Variants in ATAD2 observed in about 807,000 individuals in gnomAD.
The protein encoded by ATAD2 is ATPase family AAA domain-containing protein 2.
Under a neutral mutation model 168.9 loss-of-function variants are expected in ATAD2, and 62 were observed. That is an observed-to-expected ratio of 0.37 (90% confidence interval 0.30 to 0.45). ATAD2 has a LOEUF of 0.45. ATAD2 is among the 20% of genes least tolerant of loss of function. The probability of loss-of-function intolerance (pLI) is 1.00; values close to 1 mark genes in which losing one functional copy is unlikely to be tolerated. For missense variants in ATAD2, 1,419 were observed against 1,667.8 expected, an observed-to-expected ratio of 0.85 and a Z score of 2.60; for synonymous variants, 613 against 571.6, an observed-to-expected ratio of 1.07 and a Z score of -1.03.
chr8:123,380,973 C>A (rs899401436), intron 1 of ATAD2: 2 of 252,930 alleles, frequency 7.9e-6, no homozygotes, highest in Non-Finnish European at 7.5e-6. Flanking sequence ...CCACCACTGA[C>A]GAAAAGTTGC....
chr8:123,365,912 T>TA (rs1253119887), intron 8 of ATAD2, among the ~76,000 whole-genome samples: 3 of 152,056 alleles, frequency 2.0e-5, no homozygotes, highest in Non-Finnish European at 4.4e-5. Context: ...AAAGCAAAGA[T>TA]AAACAGGTGG....
At chr8:123,330,818 C>T (rs191915163) in intron 24 of ATAD2, among the ~76,000 whole-genome samples, 86 of 152,216 alleles carry the variant, frequency 5.6e-4, no homozygotes, top group African/African-American at 2.0e-3. Context: ...ATCTTGCATC[C>T]GGATAAAAGC....
At chr8:123,343,674 A>T (rs1251023761) in intron 19 of ATAD2, among the ~76,000 whole-genome samples, 1 of 152,254 alleles carries the variant, frequency 6.6e-6, no homozygotes, top group South Asian at 2.1e-4. Context: ...TGCTCTATGG[A>T]CACAAAGGTG....
At chr8:123,352,086 TG>T (rs1828484345) in intron 13 of ATAD2, 1 of 152,440 alleles carries the variant, frequency 6.6e-6, no homozygotes, top group Non-Finnish European at 1.5e-5. Context: ...GTGTGTTCCC[TG>T]CCAGCAGTGG....
chr8:123,329,981 C>CTTTTTTTTTTTTTTTTTTTTTT (rs71310666), intron 24 of ATAD2, among the ~76,000 whole-genome samples: 2 of 100,342 alleles, frequency 2.0e-5, no homozygotes, highest in African/African-American at 7.2e-5. Flanking sequence ...CCAGTGGCTT[C>CTTTTTTTTTTTTTTTTTTTTTT]TTTTTTTTTT....
intron 2 of ATAD2, among the ~76,000 whole-genome samples, chr8:123,377,540 T>G (rs1215652800): frequency 6.6e-6 from 1 of 152,178 alleles, no homozygotes. Context: ...TCTATAAGTT[T>G]TATACAAATA....
In ATAD2 at chr8:123,322,986, T is replaced by C. The variant is rs149041753; in HGVS notation, c.4083A>G (p.Gln1361=). ...GGTCCTTGCGATGCCGATAAATACA[T>C]TGGCTGATTACTGCATACAAATTTT... The part of the protein sequence containing the change: ...QLENLYAVIS[Q]CIYRHRKDHD... The change falls in exon 27 of 28, where the codon CAA becomes CAG. Residue 1361 remains glutamine, a synonymous_variant. Transcript: ENST00000287394. The C allele has an allele frequency of 9.9e-5, 160 of 1,614,000 alleles. No homozygotes were observed. Among genetic ancestry groups the C allele is most frequent in the Non-Finnish European group, 3.5e-5 (41 of 1,179,902 alleles).
chr8:123,368,432 C>T (rs1829042713), intron 8 of ATAD2, among the ~76,000 whole-genome samples: 1 of 152,034 alleles, frequency 6.6e-6, no homozygotes, highest in Non-Finnish European at 1.5e-5. Context: ...CCACCCTCCC[C>T]AAAATAAATA....
intron 13 of ATAD2, 118 bp downstream of exon 13, chr8:123,356,270 CA>C: frequency 5.1e-5 from 39 of 761,838 alleles, no homozygotes; most frequent in South Asian, 1.3e-4. Flanking sequence ...GTTCTACTAC[CA>C]AAAAAAGGAA....
Position 123,380,738 on chromosome 8 carries a change from C to T in ATAD2, c.172-61G>A, listed in dbSNP as rs1829471238. The T allele has an allele frequency of 1.6e-5, 25 of 1,537,982 alleles. No individual in the cohort carries two copies. The South Asian group carries it at 2.6e-4, about 16-fold the overall frequency. ...CTTTACAAAACTCCAATTTAAATTC[C>T]TCCAAAGAGTATTCTCTGATTACAA... On this transcript the variant is annotated intron_variant, in intron 1 of 27. Transcript: ENST00000287394.
intron 1 of ATAD2, among the ~76,000 whole-genome samples, chr8:123,389,223 G>A (rs1288995349): frequency 2.2e-5 from 3 of 136,950 alleles, no homozygotes; most frequent in South Asian, 2.5e-4. Context: ...TGATCCGCCC[G>A]CCTTGGCCTC....
At chr8:123,384,379 G>A (rs1429909472) in intron 1 of ATAD2, among the ~76,000 whole-genome samples, 14 of 152,030 alleles carry the variant, frequency 9.2e-5, no homozygotes, top group Admixed American at 8.5e-4. Flanking sequence ...TTGATTTTTT[G>A]TTTGTTTGTT....
chr8:123,369,021 A>G, intron 8 of ATAD2, 37 bp downstream of exon 8: 1 of 1,267,340 alleles, frequency 7.9e-7, no homozygotes. Context: ...AAAAACAATT[A>G]TGTTGTCATA....
At chr8:123,375,617 C>T (rs1203177288) in intron 2 of ATAD2, among the ~76,000 whole-genome samples, 1 of 152,174 alleles carries the variant, frequency 6.6e-6, no homozygotes, top group Non-Finnish European at 1.5e-5. Context: ...CAAATGCTCA[C>T]CAACCAATGA....
intron 24 of ATAD2, among the ~76,000 whole-genome samples, chr8:123,330,986 G>A (rs947862521): frequency 1.3e-5 from 2 of 152,128 alleles, no homozygotes; most frequent in African/African-American, 4.8e-5. Context: ...GCAGTGGCAC[G>A]ATCTTGGCTC....
At position 123,359,341 on chromosome 8, in the gene ATAD2, T is replaced by G; in HGVS notation, c.1267-5A>C. 6.3e-7 allele frequency: 1 copy of G among 1,581,122 alleles called. No individual in the cohort carries two copies. Among genetic ancestry groups the G allele is most frequent in the East Asian group, 2.2e-5 (1 of 44,632 alleles). On this transcript the variant is annotated splice_polypyrimidine_tract_variant and splice_region_variant and intron_variant, in intron 10 of 27. Transcript: ENST00000287394. Reference sequence around the variant, plus strand: ...ACCAACACTATCAAATCGTACCTGGTAATGGAAGCGAACATGTACATTTTT... The same window carrying G: ...ACCAACACTATCAAATCGTACCTGGGAATGGAAGCGAACATGTACATTTTT...
In ATAD2 at chr8:123,328,580, C is replaced by A; in HGVS notation, c.3479-1G>T. The A allele has an allele frequency of 6.6e-7, 1 of 1,508,844 alleles. No homozygotes were observed. The allele number at this position is 1,508,844 out of a possible 1,614,324, so 93.5% of individuals were successfully genotyped here. On this transcript the variant is annotated splice_acceptor_variant, in intron 24 of 27. Coordinates refer to ENST00000287394, the MANE Select transcript of ATAD2 (RefSeq NM_014109.4). LOFTEE classifies it high-confidence loss of function. ...TTGCGAATTTTCCTCTTCAACTGAGCTTCAAGAAATTTAAAGAAAAATGAT... is the reference window on the plus strand; with the variant it reads ...TTGCGAATTTTCCTCTTCAACTGAGATTCAAGAAATTTAAAGAAAAATGAT...
rs68104102 is a variant in ATAD2, at chr8:123,329,746, C to CA, written c.3479-1168dup. Among the ~76,000 whole-genome samples the CA allele has an allele frequency of 2.0e-3, 168 of 84,376 alleles. 2 individuals are homozygous for CA. The highest frequency in any genetic ancestry group is 4.8e-3 in the African/African-American group (95 of 19,948). The allele number at this position is 84,376 out of a possible 152,430, so 55.4% of individuals were successfully genotyped here. A position where few individuals can be genotyped will look rare whatever the true frequency, so the allele number is the denominator to read the frequency against. ...TAGCTTGCGTGACGCAACTCCGTCT[C>CA]AAAAAAAAAAAAAAAAAAAAAAAAA... On this transcript the variant is annotated intron_variant, in intron 24 of 27. Transcript: ENST00000287394.
At chr8:123,341,104 A>C (rs1000001617) in intron 19 of ATAD2, among the ~76,000 whole-genome samples, 5 of 152,060 alleles carry the variant, frequency 3.3e-5, no homozygotes, top group African/African-American at 1.2e-4. Flanking sequence ...CACCATGCTC[A>C]TTTTATTCAT....
Sources: gnomAD v4.1 joint callset for allele counts (sites outside exome capture counted in the v4.1 genomes callset) on GRCh38, gnomAD v4.1.1 for gene constraint, MANE v1.5 for transcripts, NCBI Gene and HGNC (gene_info 2026-07-23, HGNC 2026-07-21) for gene names.